VPS35L: variants seen among roughly 807,000 people sequenced by gnomAD.
The protein encoded by VPS35L is VPS35 endosomal protein-sorting factor-like.
In VPS35L, 83 loss-of-function variants were observed where a neutral mutation model predicts 133.0. The observed-to-expected ratio is 0.62, with a 90% CI of 0.52 to 0.75. The LOEUF (loss-of-function observed/expected upper bound fraction) is 0.75. Ranked by LOEUF, VPS35L falls within the 30% of genes least tolerant of loss-of-function variation. VPS35L has a pLI of 0.00. For synonymous variants in VPS35L, 423 were observed against 449.9 expected (o/e 0.94, Z 0.76); for missense variants, 1,083 against 1,206.8 (o/e 0.90, Z 1.52).
chr16:19,673,087 A>G (rs1406107999), intron 27 of VPS35L, among the ~76,000 whole-genome samples: 4 of 152,214 alleles, frequency 2.6e-5, no homozygotes, highest in African/African-American at 9.6e-5. Context: ...CTGAGGTGTC[A>G]TCACAGTGCC....
Position 19,608,990 on chromosome 16 carries a change from A to G in VPS35L, c.898A>G (p.Ile300Val), listed in dbSNP as rs772375233. 71 of 1,613,864 alleles carry G rather than the reference A, an allele frequency of 4.4e-5. No homozygotes were observed. Among genetic ancestry groups the G allele is most frequent in the Non-Finnish European group, 5.9e-5 (70 of 1,179,936 alleles). Residue 300 changes from isoleucine to valine, a missense_variant, in exon 11 of 31, where the codon ATC becomes GTC. Ile to Val is a conservative substitution (Grantham distance 29). Transcript: ENST00000417362. ...LIPRFYVEASILKCNKFLSKT... is the reference protein window; with the variant it reads ...LIPRFYVEASVLKCNKFLSKT... The stretch of plus-strand genomic sequence containing the variant: ...TTTTTGTAGTTACGTGGAGGCATCC[A>G]TCCTGAAATGTAACAAATTCCTCTC...
chr16:19,601,912 C>T (rs765072098), intron 9 of VPS35L, among the ~76,000 whole-genome samples, 189 bp downstream of exon 9: 12 of 152,080 alleles, frequency 7.9e-5, no homozygotes, highest in Non-Finnish European at 1.3e-4. Context: ...CTAAATGGCC[C>T]GTGTAGGAAC....
In VPS35L at chr16:19,642,397, C is replaced by T; in HGVS notation, c.1786C>T (p.His596Tyr). ...CTTTTATCTTTAAATGTCTCCTAGG[C>T]ATCAACAAGAGCCCACCAAGGACCC... Reference protein sequence around the residue: ...CKCIMDAFIKHQQEPTKDPVI... With the variant: ...CKCIMDAFIKYQQEPTKDPVI... Residue 596 changes from histidine to tyrosine, a missense_variant and splice_region_variant, in exon 22 of 31, where the codon CAT (histidine) becomes TAT (tyrosine). Physicochemically the swap from His to Tyr is moderately conservative, Grantham distance 83. Transcript: ENST00000417362. 6.2e-7 allele frequency: 1 copy of T among 1,613,278 alleles called. No individual in the cohort carries two copies. Among genetic ancestry groups the T allele is most frequent in the South Asian group, 1.1e-5 (1 of 91,036 alleles).
At chr16:19,653,662 T>C (rs1974205646) in intron 26 of VPS35L, among the ~76,000 whole-genome samples, 1 of 152,242 alleles carries the variant, frequency 6.6e-6, no homozygotes, top group South Asian at 2.1e-4. Flanking sequence ...GTGGTGGTTC[T>C]TTTCCTGACA....
intron 26 of VPS35L, among the ~76,000 whole-genome samples, chr16:19,664,835 G>A (rs1391777289): frequency 6.6e-6 from 1 of 151,686 alleles, no homozygotes; most frequent in Admixed American, 6.6e-5. Context: ...GGGAGGCGGA[G>A]GCTGCAGTGA....
At position 19,639,794 on chromosome 16, in the gene VPS35L, G is replaced by A. The variant is rs1973731180; in HGVS notation, c.1699-221G>A. Among the ~76,000 whole-genome samples the A allele has an allele frequency of 6.6e-6, 1 of 152,176 alleles. No individual in the cohort carries two copies. The highest frequency in any genetic ancestry group is 2.1e-4 in the South Asian group (1 of 4,826). On this transcript the variant is annotated intron_variant, in intron 20 of 30. Transcript: ENST00000417362. The surrounding 1 kb of genome is among the most constrained non-coding windows in gnomAD (Gnocchi z 4.1). ...TCCACCCGCCTCAGCCTCCCAAAGT[G>A]CTGGGATTACAGGTGTGAGCCACTG...
intron 27 of VPS35L, among the ~76,000 whole-genome samples, chr16:19,680,695 T>C (rs954568919): frequency 1.3e-5 from 2 of 152,148 alleles, no homozygotes; most frequent in African/African-American, 4.8e-5. Flanking sequence ...GTGGATCGCT[T>C]GAGCCCAGGA....
intron 29 of VPS35L, among the ~76,000 whole-genome samples, chr16:19,695,007 G>GAAA (rs556649295): frequency 1.5e-5 from 2 of 130,376 alleles, no homozygotes; most frequent in Admixed American, 7.9e-5. Context: ...CTCTGTTTCA[G>GAAA]AAAAAAAAAA....
chr16:19,685,904 C>T (rs565049953), intron 28 of VPS35L, among the ~76,000 whole-genome samples: 1 of 151,532 alleles, frequency 6.6e-6, no homozygotes, highest in African/African-American at 2.4e-5. Context: ...CTCTCCTCTC[C>T]TTCCTCTCCC....
chr16:19,646,884 C>A (rs1014404677), intron 23 of VPS35L, among the ~76,000 whole-genome samples: 3 of 152,126 alleles, frequency 2.0e-5, no homozygotes, highest in African/African-American at 7.2e-5. Flanking sequence ...ACTATCCCAG[C>A]CTGAACAGTC....
chr16:19,666,923 TCTTTCTTTCTTCCTTTCTTC>T (rs1974697430), intron 26 of VPS35L, among the ~76,000 whole-genome samples: 3 of 99,174 alleles, frequency 3.0e-5, no homozygotes, highest in Non-Finnish European at 4.1e-5. Flanking sequence ...TTTCTTTCTT[TCTTTCTTTCTTCCTTTCTTC>T]CTTTCTTCCT....
chr16:19,574,237 G>A (rs540060233), intron 4 of VPS35L, among the ~76,000 whole-genome samples: 2 of 152,276 alleles, frequency 1.3e-5, no homozygotes, highest in South Asian at 2.1e-4. Context: ...GGGTTCCGCC[G>A]CATTCTTTCT....
chr16:19,682,448 G>T (rs981388316), intron 28 of VPS35L, 58 bp downstream of exon 28: 1 of 1,536,844 alleles, frequency 6.5e-7, no homozygotes, highest in Non-Finnish European at 8.9e-7. Context: ...AAGGCAGACA[G>T]AATGCTTTCA....
intron 7 of VPS35L, among the ~76,000 whole-genome samples, chr16:19,584,332 G>A (rs565081169): frequency 6.6e-6 from 1 of 152,234 alleles, no homozygotes; most frequent in Admixed American, 6.5e-5. Flanking sequence ...TAGTGTGTAA[G>A]AGTTCCCTTT....
intron 12 of VPS35L, among the ~76,000 whole-genome samples, chr16:19,614,866 T>C (rs1194546816): frequency 6.6e-6 from 1 of 152,248 alleles, no homozygotes; most frequent in Non-Finnish European, 1.5e-5. Flanking sequence ...TACTGGCACC[T>C]TCTCTATGAT....
At chr16:19,587,047 A>C (rs1971886933) in intron 7 of VPS35L, among the ~76,000 whole-genome samples, 1 of 152,156 alleles carries the variant, frequency 6.6e-6, no homozygotes, top group Admixed American at 6.5e-5. Flanking sequence ...TCGTGGCAGA[A>C]GGCAAAGGGG....
At chr16:19,578,700 C>G (rs1971614173) in intron 5 of VPS35L, 1 of 327,216 alleles carries the variant, frequency 3.1e-6, no homozygotes, top group Non-Finnish European at 5.9e-6. Context: ...CTAAGAGGGC[C>G]TTTTGTTCAT....
chr16:19,697,270 T>C lies in VPS35L; in HGVS notation c.2647-2232T>C, dbSNP rs11865875. Among the ~76,000 whole-genome samples, 623 of 152,070 alleles carry C rather than the reference T, an allele frequency of 4.1e-3. 6 individuals carry two copies. The highest frequency in any genetic ancestry group is 0.014 in the African/African-American group (593 of 41,482). Reference sequence around the variant, plus strand: ...AAGGCAGGCTCAATTTTGCCCGGAGTGGGGAGGGGAGGTGCCGAAGAGTCT... The same window carrying C: ...AAGGCAGGCTCAATTTTGCCCGGAGCGGGGAGGGGAGGTGCCGAAGAGTCT... On this transcript the variant is annotated intron_variant, in intron 29 of 30. Transcript: ENST00000417362.
In VPS35L at chr16:19,673,313, C is replaced by T. The variant is rs532312516; in HGVS notation, c.2361+4014C>T. On this transcript the variant is annotated intron_variant, in intron 27 of 30. Transcript: ENST00000417362. ...TAGATCACAGAAAATCCCAGATTTGCATCTCCCCTTGAAAAATCAGGTCCT... is the reference window on the plus strand; with the variant it reads ...TAGATCACAGAAAATCCCAGATTTGTATCTCCCCTTGAAAAATCAGGTCCT... 2.6e-5 allele frequency among the ~76,000 whole-genome samples: 4 copies of T among 152,332 alleles called. No homozygotes were observed. In the South Asian group the frequency reaches 8.3e-4, roughly 32 times the overall value.
Sources: allele counts gnomAD v4.1 joint callset (sites outside exome capture counted in the v4.1 genomes callset), GRCh38; gene constraint gnomAD v4.1.1; non-coding constraint Gnocchi (gnomAD v3.1); transcripts MANE v1.5; gene names NCBI Gene and HGNC (gene_info 2026-07-23, HGNC 2026-07-21).